Variants in DKK2 observed in about 807,000 individuals in gnomAD.
DKK2 encodes dickkopf-related protein 2.
A neutral mutation model predicts 28.1 loss-of-function variants in DKK2; 11 were observed. The ratio of observed to expected loss-of-function variants is 0.39; its 90% CI spans 0.25 to 0.65. The LOEUF is 0.65. Among genes scored for constraint, DKK2 ranks in the 30% least tolerant of loss-of-function variants. The pLI is 0.47. For missense variants in DKK2, 326 were observed against 335.5 expected (o/e 0.97, Z 0.22); for synonymous variants, 135 against 126.5 (o/e 1.07, Z -0.45).
At chr4:106,964,767 A>C (rs778445645) in intron 1 of DKK2, among the ~76,000 whole-genome samples, 2 of 152,170 alleles carry the variant, frequency 1.3e-5, no homozygotes, top group Non-Finnish European at 2.9e-5. Flanking sequence ...CCATAAGGAC[A>C]TACAATGGGA....
chr4:106,959,273 G>C (rs1722651866), intron 1 of DKK2, among the ~76,000 whole-genome samples: 1 of 152,032 alleles, frequency 6.6e-6, no homozygotes, highest in African/African-American at 2.4e-5. Context: ...ATCACCAAAA[G>C]CTCATTTTAT....
chr4:106,978,812 C>A (rs1209355545), intron 1 of DKK2, among the ~76,000 whole-genome samples: 19 of 141,484 alleles, frequency 1.3e-4, no homozygotes, highest in East Asian at 7.0e-4. Context: ...AGAAAACAAA[C>A]AAACTCCTGC....
intron 1 of DKK2, among the ~76,000 whole-genome samples, chr4:107,031,550 A>G (rs1212041598): frequency 6.6e-6 from 1 of 152,046 alleles, no homozygotes; most frequent in Non-Finnish European, 1.5e-5. Context: ...TGTCCCAGTC[A>G]TATCAGAAAA....
chr4:107,008,652 G>A (rs1220943030), intron 1 of DKK2, among the ~76,000 whole-genome samples: 2 of 151,976 alleles, frequency 1.3e-5, no homozygotes, highest in Admixed American at 1.3e-4. Context: ...GAGCCACAAT[G>A]TAGAAGATCA....
intron 1 of DKK2, among the ~76,000 whole-genome samples, chr4:107,033,667 G>C (rs969365384): frequency 3.3e-5 from 5 of 152,166 alleles, no homozygotes; most frequent in African/African-American, 1.2e-4. Context: ...CAGGACTATT[G>C]AGGTTTCCTT....
chr4:106,973,116 C>T (rs926214077), intron 1 of DKK2, among the ~76,000 whole-genome samples: 3 of 152,190 alleles, frequency 2.0e-5, no homozygotes, highest in Non-Finnish European at 4.4e-5. Context: ...ATATGTGCCA[C>T]ATTGTCTTTA....
At chr4:107,001,772 A>T (rs1723363302) in intron 1 of DKK2, among the ~76,000 whole-genome samples, 2 of 152,232 alleles carry the variant, frequency 1.3e-5, no homozygotes, top group Non-Finnish European at 1.5e-5. Context: ...ATGAACAATT[A>T]TATTTTAACC....
intron 1 of DKK2, among the ~76,000 whole-genome samples, chr4:106,947,137 A>G (rs1197945714): frequency 6.6e-6 from 1 of 152,118 alleles, no homozygotes; most frequent in Non-Finnish European, 1.5e-5. Flanking sequence ...ACTCCATTAC[A>G]TTGGAGTGGG....
intron 1 of DKK2, among the ~76,000 whole-genome samples, chr4:106,982,972 G>C (rs74658372): frequency 0.077 from 10,523 of 135,896 alleles, 454 homozygotes; most frequent in African/African-American, 0.11. Flanking sequence ...AAGAAAGAAA[G>C]AAAGAGAAAG....
At chr4:106,935,646 C>T (rs1724573822) in intron 1 of DKK2, among the ~76,000 whole-genome samples, 1 of 152,264 alleles carries the variant, frequency 6.6e-6, no homozygotes, top group Admixed American at 6.5e-5. Flanking sequence ...CTTCTGTAGG[C>T]TCCACCTCTG....
chr4:106,982,881 A>AG (rs1723045823), intron 1 of DKK2, among the ~76,000 whole-genome samples: 1 of 151,674 alleles, frequency 6.6e-6, no homozygotes, highest in African/African-American at 2.4e-5. Flanking sequence ...CAAAAAAAAA[A>AG]AAAATCAATG....
chr4:106,989,057 C>G (rs1020198631), intron 1 of DKK2, among the ~76,000 whole-genome samples: 1 of 152,092 alleles, frequency 6.6e-6, no homozygotes, highest in African/African-American at 2.4e-5. Flanking sequence ...AGTGACCTGA[C>G]AAGCACTTGG....
At chr4:106,986,656 T>TCA (rs545367055) in intron 1 of DKK2, among the ~76,000 whole-genome samples, 51 of 151,730 alleles carry the variant, frequency 3.4e-4, no homozygotes, top group African/African-American at 7.7e-4. Context: ...CTCATTCACA[T>TCA]CACACACACA....
chr4:106,972,202 A>G (rs1722878166), intron 1 of DKK2, among the ~76,000 whole-genome samples: 1 of 151,958 alleles, frequency 6.6e-6, no homozygotes, highest in African/African-American at 2.4e-5. Context: ...CCCCCGCCTC[A>G]CCACTTCTCC....
intron 1 of DKK2, among the ~76,000 whole-genome samples, chr4:106,980,277 A>G (rs1016042564): frequency 6.6e-6 from 1 of 152,082 alleles, no homozygotes; most frequent in African/African-American, 2.4e-5. Flanking sequence ...ATACTTACAT[A>G]TATTAATTTA....
intron 1 of DKK2, among the ~76,000 whole-genome samples, chr4:107,019,562 T>C (rs1483577326): frequency 6.6e-6 from 1 of 152,042 alleles, no homozygotes; most frequent in Non-Finnish European, 1.5e-5. Context: ...TTCTCAAATA[T>C]CTAGTCACAT....
intron 1 of DKK2, among the ~76,000 whole-genome samples, chr4:107,013,462 A>G: frequency 6.6e-6 from 1 of 151,586 alleles, no homozygotes; most frequent in East Asian, 1.9e-4. Flanking sequence ...TCTTTAATAA[A>G]TGGTGCTGGG....
intron 1 of DKK2, among the ~76,000 whole-genome samples, chr4:107,030,489 G>A (rs1723860469): frequency 6.6e-6 from 1 of 151,996 alleles, no homozygotes; most frequent in Middle Eastern, 3.4e-3. Flanking sequence ...CGTAGTAAGG[G>A]GCTCAGGCAG....
chr4:107,016,509 T>C (rs1723607452), intron 1 of DKK2, among the ~76,000 whole-genome samples: 1 of 151,990 alleles, frequency 6.6e-6, no homozygotes, highest in African/African-American at 2.4e-5. Flanking sequence ...TAGAAAGCTC[T>C]GCTCTGTCCT....
Sources: allele counts gnomAD v4.1 joint callset (sites outside exome capture counted in the v4.1 genomes callset), GRCh38; gene constraint gnomAD v4.1.1; transcripts MANE v1.5; gene names NCBI Gene and HGNC (gene_info 2026-07-23, HGNC 2026-07-21).